EEFSEC: variants seen among roughly 807,000 people sequenced by gnomAD.
The protein encoded by EEFSEC is eukaryotic elongation factor, selenocysteine-tRNA specific.
A neutral mutation model predicts 42.1 loss-of-function variants in EEFSEC; 43 were observed. The observed-to-expected ratio is 1.02, with a 90% confidence interval of 0.80 to 1.32. The LOEUF (loss-of-function observed/expected upper bound fraction) is 1.32. Among genes scored for constraint, EEFSEC ranks in the 40% most tolerant of loss-of-function variants. The pLI, the probability that EEFSEC is intolerant of heterozygous loss-of-function variation, is 0.00. For missense variants in EEFSEC, 745 were observed against 803.6 expected (o/e 0.93, Z 0.88); for synonymous variants, 354 against 339.1 (o/e 1.04, Z -0.48).
intron 6 of EEFSEC, among the ~76,000 whole-genome samples, chr3:128,396,100 C>T (rs1159622913): frequency 1.3e-5 from 2 of 152,200 alleles, no homozygotes; most frequent in African/African-American, 2.4e-5. Flanking sequence ...CAAACAGAAC[C>T]TGCTGAAGGA....
chr3:128,401,512 A>G (rs11705891), intron 6 of EEFSEC, among the ~76,000 whole-genome samples: 20,025 of 152,092 alleles, frequency 0.13, 1,510 homozygotes, highest in East Asian at 0.35. Flanking sequence ...GCTGAGGGGC[A>G]CCTTCCCAAG....
At chr3:128,174,105 G>A (rs1326088426) in intron 1 of EEFSEC, among the ~76,000 whole-genome samples, 1 of 152,198 alleles carries the variant, frequency 6.6e-6, no homozygotes, top group Non-Finnish European at 1.5e-5. Flanking sequence ...TCTGGCCGCT[G>A]CTCTCAGAGG....
Position 128,264,907 on chromosome 3 carries a change from G to A in EEFSEC, c.786+126G>A, listed in dbSNP as rs140281035. On this transcript the variant is annotated intron_variant, in intron 4 of 6. Transcript: ENST00000254730. ...CCCTGGGACTCCCACTGCCTGCTCC[G>A]CCCCACCTCCCCTCTGGCTGCCTGG... 1.5e-4 allele frequency: 172 copies of A among 1,180,136 alleles called. 1 individual carries two copies. In the East Asian group the frequency reaches 2.6e-3, roughly 18 times the overall value. The allele number at this position is 1,180,136 out of a possible 1,614,324, so 73.1% of individuals were successfully genotyped here.
intron 1 of EEFSEC, among the ~76,000 whole-genome samples, chr3:128,189,907 G>C (rs2065504352): frequency 6.6e-6 from 1 of 151,988 alleles, no homozygotes; most frequent in Non-Finnish European, 1.5e-5. Context: ...CTGTTGCCCA[G>C]GCTGGAGTGC....
At chr3:128,259,527 T>A (rs2066276592) in intron 2 of EEFSEC, among the ~76,000 whole-genome samples, 1 of 152,248 alleles carries the variant, frequency 6.6e-6, no homozygotes, top group Non-Finnish European at 1.5e-5. Flanking sequence ...TGAGATAGAA[T>A]TCACATACTA....
chr3:128,177,394 C>T (rs2065361342), intron 1 of EEFSEC, among the ~76,000 whole-genome samples: 1 of 66,374 alleles, frequency 1.5e-5, no homozygotes, highest in African/African-American at 6.4e-5. Context: ...AATAGTGACA[C>T]CACCCCCACC....
chr3:128,284,945 C>T (rs1214927894), intron 4 of EEFSEC, among the ~76,000 whole-genome samples: 1 of 151,630 alleles, frequency 6.6e-6, no homozygotes, highest in African/African-American at 2.4e-5. Context: ...TAAGGAGAAG[C>T]CACTGAAGGA....
At chr3:128,191,660 T>A (rs1056365492) in intron 1 of EEFSEC, among the ~76,000 whole-genome samples, 4 of 152,188 alleles carry the variant, frequency 2.6e-5, no homozygotes, top group African/African-American at 9.7e-5. Flanking sequence ...ACCATTCTAC[T>A]TTTTGTTTAT....
chr3:128,332,964 T>C (rs1462187141), intron 4 of EEFSEC, among the ~76,000 whole-genome samples: 1 of 152,194 alleles, frequency 6.6e-6, no homozygotes, highest in Admixed American at 6.5e-5. Context: ...GACTGATCTT[T>C]AAAAGCTTAT....
At chr3:128,336,488 A>G (rs994703083) in intron 4 of EEFSEC, among the ~76,000 whole-genome samples, 11 of 152,156 alleles carry the variant, frequency 7.2e-5, no homozygotes, top group Admixed American at 1.3e-4. Flanking sequence ...TCCCATGGCA[A>G]TGGTGGCTGG....
At chr3:128,355,855 T>C (rs1268640193) in intron 5 of EEFSEC, among the ~76,000 whole-genome samples, 3 of 152,234 alleles carry the variant, frequency 2.0e-5, no homozygotes, top group Non-Finnish European at 4.4e-5. Context: ...TGGCAATCTG[T>C]GCTCTGAAGA....
intron 4 of EEFSEC, among the ~76,000 whole-genome samples, chr3:128,285,163 A>G (rs984353192): frequency 2.0e-5 from 3 of 152,084 alleles, no homozygotes; most frequent in Non-Finnish European, 4.4e-5. Flanking sequence ...TGCCTTGAGC[A>G]CGGGGCAAGA....
At chr3:128,173,202 T>G (rs1256343414) in intron 1 of EEFSEC, among the ~76,000 whole-genome samples, 1 of 152,186 alleles carries the variant, frequency 6.6e-6, no homozygotes, top group Non-Finnish European at 1.5e-5. Context: ...CATGCCATGT[T>G]TTTCCGGGAA....
chr3:128,163,948 A>AC (rs1559849725), intron 1 of EEFSEC, among the ~76,000 whole-genome samples: 1 of 151,340 alleles, frequency 6.6e-6, no homozygotes, highest in African/African-American at 2.4e-5. Context: ...GAAAAAAAAA[A>AC]AAAACAAAAC....
At chr3:128,392,973 A>G (rs750140928) in intron 6 of EEFSEC, among the ~76,000 whole-genome samples, 8 of 152,222 alleles carry the variant, frequency 5.3e-5, no homozygotes, top group East Asian at 1.9e-4. Flanking sequence ...TTCAGAAGAC[A>G]GGGGGCCTCC....
intron 5 of EEFSEC, among the ~76,000 whole-genome samples, chr3:128,354,351 A>C (rs2067426310): frequency 1.3e-5 from 2 of 151,498 alleles, no homozygotes; most frequent in South Asian, 4.2e-4. Flanking sequence ...CTAAACTGCC[A>C]CTCCAGCCCC....
At chr3:128,213,635 T>C (rs1227235329) in intron 1 of EEFSEC, among the ~76,000 whole-genome samples, 3 of 151,930 alleles carry the variant, frequency 2.0e-5, no homozygotes, top group Non-Finnish European at 4.4e-5. Context: ...CCCAGCAGGG[T>C]TGAGGTCATG....
chr3:128,185,208 T>C (rs1010599463), intron 1 of EEFSEC, among the ~76,000 whole-genome samples: 1 of 152,186 alleles, frequency 6.6e-6, no homozygotes, highest in Non-Finnish European at 1.5e-5. Context: ...TTATAGGGAA[T>C]GGCCCCATCG....
chr3:128,343,684 G>A (rs1013563743), intron 5 of EEFSEC, among the ~76,000 whole-genome samples: 4 of 152,206 alleles, frequency 2.6e-5, no homozygotes, highest in African/African-American at 9.7e-5. Context: ...CAACAGCGGT[G>A]CAGCAGTCAC....
Sources: allele counts gnomAD v4.1 joint callset (sites outside exome capture counted in the v4.1 genomes callset), GRCh38; gene constraint gnomAD v4.1.1; transcripts MANE v1.5; gene names NCBI Gene and HGNC (gene_info 2026-07-23, HGNC 2026-07-21).